The following PLCB4 variants were observed in gnomAD, a reference collection of about 807,000 sequenced individuals.
PLCB4 encodes phospholipase C beta 4.
Under a neutral mutation model 178.8 loss-of-function variants are expected in PLCB4, and 77 were observed. That is an observed-to-expected ratio of 0.43 (90% CI 0.36 to 0.52). PLCB4 has a LOEUF of 0.52. PLCB4 is among the 20% of genes least tolerant of loss of function. PLCB4 has a pLI of 0.00. For missense variants in PLCB4, 1,024 were observed against 1,453.4 expected, an observed-to-expected ratio of 0.70 and a Z score of 4.80; for synonymous variants, 496 against 490.8, an observed-to-expected ratio of 1.01 and a Z score of -0.14.
At chr20:9,357,821 A>G (rs901965826) in intron 7 of PLCB4, among the ~76,000 whole-genome samples, 1 of 152,190 alleles carries the variant, frequency 6.6e-6, no homozygotes, top group Non-Finnish European at 1.5e-5. Flanking sequence ...AGCTACCCAT[A>G]TATTGTATTT....
chr20:9,241,933 A>G (rs2094067843), intron 3 of PLCB4, among the ~76,000 whole-genome samples: 1 of 152,052 alleles, frequency 6.6e-6, no homozygotes, highest in African/African-American at 2.4e-5. Context: ...CCAATTTTGG[A>G]TCACCTCTGT....
intron 2 of PLCB4, among the ~76,000 whole-genome samples, chr20:9,182,573 A>G (rs1327025547): frequency 6.6e-6 from 1 of 152,208 alleles, no homozygotes; most frequent in Non-Finnish European, 1.5e-5. Flanking sequence ...TCCTCAACAA[A>G]TAGCAGGGCT....
intron 3 of PLCB4, among the ~76,000 whole-genome samples, chr20:9,237,460 C>T (rs565902515): frequency 2.2e-4 from 34 of 152,270 alleles, no homozygotes; most frequent in African/African-American, 7.7e-4. Context: ...GAGCTTGCTC[C>T]TCAAGGTATT....
chr20:9,385,299 C>G (rs761599730), intron 14 of PLCB4, among the ~76,000 whole-genome samples: 1 of 152,192 alleles, frequency 6.6e-6, no homozygotes, highest in African/African-American at 2.4e-5. Context: ...GTCATCATGG[C>G]CCGTTCTCGA....
At chr20:9,205,473 G>A (rs888966230) in intron 2 of PLCB4, among the ~76,000 whole-genome samples, 5 of 152,066 alleles carry the variant, frequency 3.3e-5, no homozygotes, top group African/African-American at 1.2e-4. Context: ...TAATTTTGAG[G>A]TAATTACAGA....
intron 4 of PLCB4, among the ~76,000 whole-genome samples, chr20:9,329,589 G>C (rs2031322651): frequency 6.6e-6 from 1 of 152,170 alleles, no homozygotes; most frequent in Admixed American, 6.5e-5. Flanking sequence ...GTTACTGGTG[G>C]AAGGGGGAAA....
intron 3 of PLCB4, among the ~76,000 whole-genome samples, chr20:9,220,153 T>C (rs2093780129): frequency 6.6e-6 from 1 of 152,222 alleles, no homozygotes; most frequent in African/African-American, 2.4e-5. Context: ...GAGCTTTAGA[T>C]TGGCTCTTGC....
chr20:9,092,211 T>G (rs1308850025), intron 1 of PLCB4, among the ~76,000 whole-genome samples: 1 of 152,218 alleles, frequency 6.6e-6, no homozygotes, highest in Non-Finnish European at 1.5e-5. Context: ...TAGAAGATTC[T>G]TCATTTCTTT....
intron 7 of PLCB4, among the ~76,000 whole-genome samples, chr20:9,358,711 T>G (rs2148209750): frequency 6.6e-6 from 1 of 151,952 alleles, no homozygotes; most frequent in Middle Eastern, 3.4e-3. Flanking sequence ...CTGGCCGACA[T>G]GGTCAAACCC....
chr20:9,110,941 C>T (rs925033172), intron 2 of PLCB4, among the ~76,000 whole-genome samples: 1 of 152,104 alleles, frequency 6.6e-6, no homozygotes, highest in Non-Finnish European at 1.5e-5. Flanking sequence ...TCTTTTTGGT[C>T]TTTCATCAAT....
At chr20:9,223,082 G>C (rs1194563634) in intron 3 of PLCB4, among the ~76,000 whole-genome samples, 1 of 152,054 alleles carries the variant, frequency 6.6e-6, no homozygotes, top group Non-Finnish European at 1.5e-5. Flanking sequence ...TTGAATGGAG[G>C]GTAGAAAGTA....
intron 4 of PLCB4, among the ~76,000 whole-genome samples, chr20:9,325,507 C>G (rs1271405922): frequency 6.6e-6 from 1 of 152,110 alleles, no homozygotes; most frequent in Non-Finnish European, 1.5e-5. Context: ...TCAGGGAACC[C>G]TCCCAGAATC....
At chr20:9,342,655 GGTT>G (rs386393264) in intron 7 of PLCB4, among the ~76,000 whole-genome samples, 8,910 of 147,154 alleles carry the variant, frequency 0.061, 290 homozygotes, top group Middle Eastern at 0.096. Context: ...TATGTTTTGG[GGTT>G]TTTTTTTTTT....
intron 3 of PLCB4, among the ~76,000 whole-genome samples, chr20:9,290,205 A>G (rs965494331): frequency 6.6e-6 from 1 of 151,734 alleles, no homozygotes; most frequent in South Asian, 2.1e-4. Flanking sequence ...AATTGATTGC[A>G]GACACAAGGA....
chr20:9,247,714 G>C (rs764992904), intron 3 of PLCB4, among the ~76,000 whole-genome samples: 6 of 152,134 alleles, frequency 3.9e-5, no homozygotes, highest in Non-Finnish European at 8.8e-5. Flanking sequence ...CTGAAACAAA[G>C]TGCAGAATAG....
chr20:9,251,126 G>GCATC (rs1283210202), intron 3 of PLCB4, among the ~76,000 whole-genome samples: 1 of 152,184 alleles, frequency 6.6e-6, no homozygotes, highest in Admixed American at 6.5e-5. Context: ...TCATGATTAT[G>GCATC]CATCCAGCCA....
intron 7 of PLCB4, among the ~76,000 whole-genome samples, chr20:9,356,863 C>A (rs7266219): frequency 1.3e-5 from 2 of 152,098 alleles, no homozygotes; most frequent in South Asian, 4.2e-4. Context: ...TGCCTGTAAT[C>A]CCAGCACTTT....
chr20:9,186,789 A>G (rs1377025850), intron 2 of PLCB4, among the ~76,000 whole-genome samples: 1 of 152,022 alleles, frequency 6.6e-6, no homozygotes, highest in Non-Finnish European at 1.5e-5. Flanking sequence ...GTTTATCTAA[A>G]TGAGTTTCTT....
intron 2 of PLCB4, among the ~76,000 whole-genome samples, chr20:9,215,764 C>T (rs949771690): frequency 3.0e-4 from 45 of 152,300 alleles, no homozygotes; most frequent in African/African-American, 1.0e-3. Context: ...CTAGAGGTAG[C>T]CACACTCAGT....
Sources: gnomAD v4.1 joint callset for allele counts (sites outside exome capture counted in the v4.1 genomes callset) on GRCh38, gnomAD v4.1.1 for gene constraint, MANE v1.5 for transcripts, NCBI Gene and HGNC (gene_info 2026-07-23, HGNC 2026-07-21) for gene names.